Variants in ARFGEF1 observed in about 807,000 individuals in gnomAD.
ARFGEF1 encodes the protein ARF guanine nucleotide exchange factor 1.
A neutral mutation model predicts 231.0 loss-of-function variants in ARFGEF1; 42 were observed. That is an observed-to-expected ratio of 0.18 (90% CI 0.14 to 0.24). The LOEUF is 0.24. Among genes scored for constraint, ARFGEF1 ranks in the 10% least tolerant of loss-of-function variants. ARFGEF1 has a pLI of 1.00. For synonymous variants in ARFGEF1, 710 were observed against 732.3 expected, an observed-to-expected ratio of 0.97 and a Z score of 0.49; for missense variants, 1,345 against 2,192.0, an observed-to-expected ratio of 0.61 and a Z score of 7.72.
intron 1 of ARFGEF1, among the ~76,000 whole-genome samples, chr8:67,327,912 CTTGAG>C (rs767317746): frequency 1.6e-4 from 25 of 152,222 alleles, no homozygotes; most frequent in South Asian, 1.2e-3. Context: ...TTGTTGACTA[CTTGAG>C]TTATTTTCAT....
At chr8:67,261,525 C>T (rs974767383) in intron 14 of ARFGEF1, among the ~76,000 whole-genome samples, 3 of 152,244 alleles carry the variant, frequency 2.0e-5, no homozygotes, top group Non-Finnish European at 4.4e-5. Flanking sequence ...AGATCTACTG[C>T]TTCAAAGAGA....
chr8:67,200,520 A>G lies in ARFGEF1; in HGVS notation c.5268-7T>C, dbSNP rs1838288997. The stretch of plus-strand genomic sequence containing the variant: ...TAGTGCTTCACTGCAGACACTGCAA[A>G]AGAAAAGGTTTCCTTTAATGTTACT... On this transcript the variant is annotated splice_region_variant and splice_polypyrimidine_tract_variant and intron_variant, in intron 37 of 38. Transcript: ENST00000262215. 12 of 1,535,932 alleles carry G rather than the reference A, an allele frequency of 7.8e-6. No homozygotes were observed. Among genetic ancestry groups the G allele is most frequent in the Non-Finnish European group, 1.1e-5 (12 of 1,110,592 alleles).
At chr8:67,311,805 G>C (rs938220145) in intron 1 of ARFGEF1, among the ~76,000 whole-genome samples, 1 of 152,210 alleles carries the variant, frequency 6.6e-6, no homozygotes, top group African/African-American at 2.4e-5. Flanking sequence ...AGGCGGGAAA[G>C]GTGGGGAAAA....
chr8:67,267,855 C>T (rs1267915299), intron 10 of ARFGEF1, among the ~76,000 whole-genome samples: 2 of 152,068 alleles, frequency 1.3e-5, no homozygotes, highest in South Asian at 2.1e-4. Context: ...CCTAACTGTT[C>T]GTAGATTTAA....
chr8:67,276,569 A>G (rs1302313324), intron 8 of ARFGEF1, among the ~76,000 whole-genome samples: 1 of 152,186 alleles, frequency 6.6e-6, no homozygotes, highest in Non-Finnish European at 1.5e-5. Context: ...TGGGACACTT[A>G]GTGGAGAACT....
chr8:67,200,877 C>T (rs1397231475), intron 37 of ARFGEF1, among the ~76,000 whole-genome samples: 2 of 152,202 alleles, frequency 1.3e-5, no homozygotes, highest in Non-Finnish European at 2.9e-5. Flanking sequence ...CCCTAGATCA[C>T]AAGGCCCTGT....
At chr8:67,337,141 A>C (rs1338346767) in intron 1 of ARFGEF1, among the ~76,000 whole-genome samples, 6 of 151,732 alleles carry the variant, frequency 4.0e-5, no homozygotes, top group Non-Finnish European at 8.8e-5. Flanking sequence ...AAAAAAAAAA[A>C]AAAAAAAAAA....
At chr8:67,311,563 T>G (rs1327193973) in intron 1 of ARFGEF1, among the ~76,000 whole-genome samples, 10 of 103,460 alleles carry the variant, frequency 9.7e-5, no homozygotes, top group Admixed American at 2.0e-4. Flanking sequence ...GGGAGGGAGA[T>G]GGGGGGGTCA....
intron 1 of ARFGEF1, among the ~76,000 whole-genome samples, chr8:67,307,973 C>T (rs1442145481): frequency 1.3e-5 from 2 of 152,202 alleles, no homozygotes; most frequent in Admixed American, 1.3e-4. Flanking sequence ...CCAGGCACCC[C>T]CTCTTGGAGC....
At chr8:67,257,492 T>C (rs1381695779) in intron 17 of ARFGEF1, among the ~76,000 whole-genome samples, 6 of 152,204 alleles carry the variant, frequency 3.9e-5, no homozygotes, top group Non-Finnish European at 8.8e-5. Flanking sequence ...ATCTTAAGCT[T>C]TATACAGTTG....
intron 1 of ARFGEF1, among the ~76,000 whole-genome samples, chr8:67,312,573 ATAAC>A (rs1163708830): frequency 1.3e-5 from 2 of 152,230 alleles, no homozygotes; most frequent in African/African-American, 2.4e-5. Flanking sequence ...TCCTAAAAGA[ATAAC>A]TAAAGTTCTT....
intron 19 of ARFGEF1, 33 bp from the exon 20 acceptor site, chr8:67,240,323 G>A: frequency 6.5e-7 from 1 of 1,547,520 alleles, no homozygotes; most frequent in Non-Finnish European, 8.7e-7. Context: ...TTTAATTAAA[G>A]ATTATGATAA....
intron 15 of ARFGEF1, among the ~76,000 whole-genome samples, chr8:67,258,818 TACACACACACACACAC>T (rs10576509): frequency 6.3e-5 from 9 of 142,932 alleles, no homozygotes; most frequent in African/African-American, 2.1e-4. Flanking sequence ...AAGCAGATTT[TACACACACACACACAC>T]ACACACACAC....
downstream of ARFGEF1, chr8:67,195,250 A>AAC: frequency 1.4e-6 from 1 of 724,970 alleles, no homozygotes; most frequent in Non-Finnish European, 2.5e-6. Context: ...AAAACAAACA[A>AAC]ACAGTAGAGT....
intron 6 of ARFGEF1, among the ~76,000 whole-genome samples, chr8:67,289,461 G>A (rs552998046): frequency 6.9e-6 from 1 of 145,130 alleles, no homozygotes; most frequent in South Asian, 2.2e-4. Context: ...GGCTAAGATG[G>A]AAGGATCGCT....
chr8:67,235,100 GTA>G (rs144584152), intron 22 of ARFGEF1, among the ~76,000 whole-genome samples: 147 of 146,958 alleles, frequency 1.0e-3, no homozygotes, highest in African/African-American at 3.2e-3. Flanking sequence ...GTGTGTGTGT[GTA>G]TATATATACA....
chr8:67,212,098 T>C lies in ARFGEF1; in HGVS notation c.4687-483A>G, dbSNP rs184907631. Among the ~76,000 whole-genome samples the C allele has an allele frequency of 2.8e-3, 433 of 152,320 alleles. 2 individuals carry two copies. The highest frequency in any genetic ancestry group is 4.5e-3 in the Non-Finnish European group (304 of 68,020). The stretch of plus-strand genomic sequence containing the variant: ...CAGTATTATTTATTTATTTACTTTT[T>C]TGAGATGGAGTTTTGCTCTTGTTGC... On this transcript the variant is annotated intron_variant, in intron 33 of 38. Coordinates refer to ENST00000262215, the MANE Select transcript of ARFGEF1 (RefSeq NM_006421.5).
intron 10 of ARFGEF1, among the ~76,000 whole-genome samples, chr8:67,269,326 T>C (rs1804975616): frequency 6.6e-6 from 1 of 151,454 alleles, no homozygotes; most frequent in Non-Finnish European, 1.5e-5. Context: ...TAGGTTTTCA[T>C]AGCTGGGCTT....
intron 1 of ARFGEF1, among the ~76,000 whole-genome samples, chr8:67,334,224 T>G (rs1808238178): frequency 6.6e-6 from 1 of 151,050 alleles, no homozygotes; most frequent in African/African-American, 2.4e-5. Context: ...AAATTTTGTG[T>G]TTAGACTTCA....
Sources: allele counts gnomAD v4.1 joint callset (sites outside exome capture counted in the v4.1 genomes callset), GRCh38; gene constraint gnomAD v4.1.1; transcripts MANE v1.5; gene names NCBI Gene and HGNC (gene_info 2026-07-23, HGNC 2026-07-21).